Variants in MGMT observed in about 807,000 individuals in gnomAD.
MGMT encodes O-6-methylguanine-DNA methyltransferase.
In MGMT, 14 loss-of-function variants were observed where a neutral mutation model predicts 15.9. The observed-to-expected ratio is 0.88, with a 90% CI of 0.58 to 1.37. The LOEUF (loss-of-function observed/expected upper bound fraction) is 1.37. Among genes scored for constraint, MGMT ranks in the 40% most tolerant of loss-of-function variants. The probability of loss-of-function intolerance (pLI) is 0.00; values close to 1 mark genes in which losing one functional copy is unlikely to be tolerated. For synonymous variants in MGMT, 130 were observed against 118.2 expected (o/e 1.10, Z -0.65); for missense variants, 282 against 268.1 (o/e 1.05, Z -0.36).
chr10:129,590,835 AAT>A (rs1410382546), intron 2 of MGMT, among the ~76,000 whole-genome samples: 2 of 152,164 alleles, frequency 1.3e-5, no homozygotes, highest in African/African-American at 2.4e-5. Flanking sequence ...CCTCGTGAGG[AAT>A]ATGTCGGTGC....
intron 2 of MGMT, among the ~76,000 whole-genome samples, chr10:129,694,466 A>C (rs1848007391): frequency 6.6e-6 from 1 of 152,136 alleles, no homozygotes; most frequent in Non-Finnish European, 1.5e-5. Context: ...GGCTGTATTG[A>C]TTTTTGAAGA....
At chr10:129,766,213 C>A (rs1564789023) in intron 4 of MGMT, among the ~76,000 whole-genome samples, 1 of 152,206 alleles carries the variant, frequency 6.6e-6, no homozygotes, top group Non-Finnish European at 1.5e-5. Context: ...ATATGTTAGG[C>A]TTGGCAAAGC....
At chr10:129,587,681 C>A (rs533239135) in intron 2 of MGMT, among the ~76,000 whole-genome samples, 1 of 151,474 alleles carries the variant, frequency 6.6e-6, no homozygotes, top group Non-Finnish European at 1.5e-5. Context: ...CATGATCCAC[C>A]CGCCTCGGCT....
At chr10:129,709,335 C>T (rs905001913) in intron 3 of MGMT, among the ~76,000 whole-genome samples, 5 of 152,206 alleles carry the variant, frequency 3.3e-5, no homozygotes, top group East Asian at 1.9e-4. Flanking sequence ...GCCAATTAGA[C>T]GGTGTGGGGG....
intron 1 of MGMT, among the ~76,000 whole-genome samples, chr10:129,487,264 G>C (rs945396973): frequency 6.6e-6 from 1 of 152,138 alleles, no homozygotes; most frequent in South Asian, 2.1e-4. Context: ...GATGGTTGCA[G>C]TGGTTCCTCA....
At chr10:129,478,267 C>T (rs1409149449) in intron 1 of MGMT, among the ~76,000 whole-genome samples, 2 of 152,102 alleles carry the variant, frequency 1.3e-5, no homozygotes, top group Admixed American at 1.3e-4. Flanking sequence ...TCAGTATACA[C>T]ACACTAATCC....
chr10:129,731,356 C>CTTTTTTTTTTTT (rs547636043), intron 3 of MGMT, among the ~76,000 whole-genome samples: 1 of 96,996 alleles, frequency 1.0e-5, no homozygotes, highest in African/African-American at 4.2e-5. Flanking sequence ...AAACCTAAGA[C>CTTTTTTTTTTTT]TTTTTTTTTT....
At chr10:129,654,404 G>A (rs992880018) in intron 2 of MGMT, among the ~76,000 whole-genome samples, 3 of 152,160 alleles carry the variant, frequency 2.0e-5, no homozygotes, top group Non-Finnish European at 2.9e-5. Flanking sequence ...GCCTCTTGTG[G>A]TAGAAGAGAA....
chr10:129,662,303 A>G (rs747672479), intron 2 of MGMT, among the ~76,000 whole-genome samples: 5 of 152,160 alleles, frequency 3.3e-5, no homozygotes, highest in African/African-American at 7.2e-5. Context: ...AGGCAAGGAA[A>G]AAAAGGAATT....
At chr10:129,623,195 A>G (rs1285063796) in intron 2 of MGMT, among the ~76,000 whole-genome samples, 1 of 152,214 alleles carries the variant, frequency 6.6e-6, no homozygotes, top group East Asian at 1.9e-4. Flanking sequence ...GCTTAGGAGC[A>G]TACAGTCTAG....
chr10:129,622,222 C>A (rs778322345), intron 2 of MGMT, among the ~76,000 whole-genome samples: 76 of 152,210 alleles, frequency 5.0e-4, no homozygotes, highest in African/African-American at 9.2e-4. Context: ...GAATGATTAG[C>A]AGTATGTTGC....
chr10:129,589,383 C>T (rs1265768332), intron 2 of MGMT, among the ~76,000 whole-genome samples: 2 of 152,182 alleles, frequency 1.3e-5, no homozygotes, highest in African/African-American at 2.4e-5. Context: ...TTGGGCCATG[C>T]CTCAGAGCAT....
intron 2 of MGMT, among the ~76,000 whole-genome samples, chr10:129,575,521 A>G (rs1409120100): frequency 2.7e-5 from 4 of 150,542 alleles, no homozygotes; most frequent in African/African-American, 9.8e-5. Flanking sequence ...AATCTCTGGG[A>G]CACATTCAAA....
chr10:129,581,169 G>A (rs550002489), intron 2 of MGMT, among the ~76,000 whole-genome samples: 3 of 152,318 alleles, frequency 2.0e-5, no homozygotes, highest in South Asian at 4.2e-4. Flanking sequence ...GGTGTTTGCC[G>A]TGACCTGTCG....
chr10:129,723,031 A>AAAAG (rs1848391285), intron 3 of MGMT, among the ~76,000 whole-genome samples: 1 of 132,116 alleles, frequency 7.6e-6, no homozygotes, highest in African/African-American at 2.8e-5. Flanking sequence ...AAAAAAAAAA[A>AAAAG]GTCTTGTCAA....
At chr10:129,683,793 G>A (rs1384229785) in intron 2 of MGMT, among the ~76,000 whole-genome samples, 1 of 152,188 alleles carries the variant, frequency 6.6e-6, no homozygotes, top group Non-Finnish European at 1.5e-5. Context: ...AATTGCTGTG[G>A]AAAAGGAAAG....
At chr10:129,468,068 G>GAGGGGTCCCCAC (rs58081483) in intron 1 of MGMT, among the ~76,000 whole-genome samples, 2 of 151,864 alleles carry the variant, frequency 1.3e-5, no homozygotes, top group Admixed American at 1.3e-4. Context: ...TTGGTCCAGA[G>GAGGGGTCCCCAC]AGCTGTTCTC....
At chr10:129,618,405 C>T (rs1440989271) in intron 2 of MGMT, among the ~76,000 whole-genome samples, 7 of 152,004 alleles carry the variant, frequency 4.6e-5, no homozygotes, top group Non-Finnish European at 1.5e-5. Context: ...GACTTCATTG[C>T]TGTGGCTCTG....
chr10:129,581,824 A>G (rs1438552317), intron 2 of MGMT, among the ~76,000 whole-genome samples: 1 of 152,214 alleles, frequency 6.6e-6, no homozygotes, highest in Non-Finnish European at 1.5e-5. Flanking sequence ...AGACAAAACC[A>G]TTTCCGGGGT....
Sources: gnomAD v4.1 joint callset for allele counts (sites outside exome capture counted in the v4.1 genomes callset) on GRCh38, gnomAD v4.1.1 for gene constraint, MANE v1.5 for transcripts, NCBI Gene and HGNC (gene_info 2026-07-23, HGNC 2026-07-21) for gene names.